The following GRID1 variants were observed in gnomAD, a reference collection of about 807,000 sequenced individuals.
GRID1 encodes the protein glutamate receptor ionotropic, delta-1.
Under a neutral mutation model 98.0 loss-of-function variants are expected in GRID1, and 28 were observed. That is an observed-to-expected ratio of 0.29 (90% confidence interval 0.21 to 0.39). GRID1 has a LOEUF of 0.39. GRID1 is among the 10% of genes least tolerant of loss of function. The pLI is 1.00. For synonymous variants in GRID1, 553 were observed against 538.5 expected (o/e 1.03, Z -0.37); for missense variants, 1,111 against 1,340.5 (o/e 0.83, Z 2.67).
At chr10:86,187,492 C>T (rs916756211) in intron 3 of GRID1, among the ~76,000 whole-genome samples, 13 of 152,220 alleles carry the variant, frequency 8.5e-5, no homozygotes, top group African/African-American at 2.9e-4. Context: ...ATTACACTAT[C>T]CTCCCAGGGT....
chr10:85,669,497 G>A (rs755698464), intron 12 of GRID1, among the ~76,000 whole-genome samples: 16 of 152,218 alleles, frequency 1.1e-4, no homozygotes, highest in Non-Finnish European at 2.1e-4. Flanking sequence ...CGTCTACAGA[G>A]AGTGGAGTTC....
chr10:86,073,583 G>T (rs1002698198), intron 4 of GRID1, among the ~76,000 whole-genome samples: 4 of 152,238 alleles, frequency 2.6e-5, no homozygotes, highest in Non-Finnish European at 5.9e-5. Flanking sequence ...GAAGGAGGCT[G>T]GGCCCGGCCC....
At chr10:86,140,796 A>G (rs963391829) in intron 3 of GRID1, among the ~76,000 whole-genome samples, 1 of 151,966 alleles carries the variant, frequency 6.6e-6, no homozygotes, top group Non-Finnish European at 1.5e-5. Flanking sequence ...ACCAACTACC[A>G]TTTTCCTGGG....
chr10:85,652,480 T>A (rs758117114), intron 12 of GRID1, among the ~76,000 whole-genome samples: 12 of 152,190 alleles, frequency 7.9e-5, no homozygotes, highest in Non-Finnish European at 1.6e-4. Context: ...TATTCTTCCT[T>A]AAGGAGAAGA....
At chr10:85,946,281 T>C (rs1366472143) in intron 4 of GRID1, among the ~76,000 whole-genome samples, 1 of 152,176 alleles carries the variant, frequency 6.6e-6, no homozygotes, top group Non-Finnish European at 1.5e-5. Context: ...GCTAATGGTA[T>C]CTCATGGCAG....
intron 4 of GRID1, among the ~76,000 whole-genome samples, chr10:86,086,975 G>A (rs572955096): frequency 3.4e-4 from 52 of 152,326 alleles, no homozygotes; most frequent in African/African-American, 1.1e-3. Context: ...ATGCACTGTC[G>A]TTGTTTTAAG....
intron 4 of GRID1, among the ~76,000 whole-genome samples, chr10:86,067,841 C>G (rs113078514): frequency 1.3e-5 from 2 of 152,214 alleles, no homozygotes; most frequent in African/African-American, 2.4e-5. Context: ...TAAGATCAGG[C>G]CAAGGCCTGA....
chr10:86,205,322 C>A (rs1312051619), intron 3 of GRID1, among the ~76,000 whole-genome samples: 1 of 152,252 alleles, frequency 6.6e-6, no homozygotes, highest in African/African-American at 2.4e-5. Flanking sequence ...CAACCCTCAT[C>A]AGTCTCCCAC....
chr10:86,146,801 G>C (rs1241430613), intron 3 of GRID1, among the ~76,000 whole-genome samples: 2 of 152,184 alleles, frequency 1.3e-5, no homozygotes, highest in Admixed American at 6.5e-5. Context: ...GAAAGGAGTG[G>C]CTCCCTTCTG....
intron 2 of GRID1, among the ~76,000 whole-genome samples, chr10:86,286,699 T>C (rs1444128298): frequency 6.6e-6 from 1 of 152,062 alleles, no homozygotes; most frequent in Non-Finnish European, 1.5e-5. Flanking sequence ...CGTGAGGGAG[T>C]TACCTGCCTT....
At chr10:86,116,775 C>A (rs1844588334) in intron 4 of GRID1, among the ~76,000 whole-genome samples, 1 of 152,060 alleles carries the variant, frequency 6.6e-6, no homozygotes, top group Non-Finnish European at 1.5e-5. Flanking sequence ...GGGGCTAAGG[C>A]TCACCAACAG....
At chr10:85,784,486 T>A (rs972410851) in intron 8 of GRID1, among the ~76,000 whole-genome samples, 3 of 152,218 alleles carry the variant, frequency 2.0e-5, no homozygotes, top group Admixed American at 1.3e-4. Flanking sequence ...AATGTGCTCA[T>A]GGGGCTTCCC....
Position 86,003,299 on chromosome 10 carries a change from C to T in GRID1, c.727-87060G>A, listed in dbSNP as rs1442586153. ...TTGGGAAGTCAGGGAGCCAGGAGAA[C>T]GGGGAGCCCTTGGCACATCAGCTGG... On this transcript the variant is annotated intron_variant, in intron 4 of 15. Coordinates refer to ENST00000327946, the MANE Select transcript of GRID1 (RefSeq NM_017551.3). Among the ~76,000 whole-genome samples, 18 of 152,316 alleles carry T rather than the reference C, an allele frequency of 1.2e-4. No individual in the cohort carries two copies. The East Asian group carries it at 2.9e-3, about 24-fold the overall frequency.
Position 85,724,520 on chromosome 10 carries a change from C to G in GRID1, c.1690G>C (p.Ala564Pro), listed in dbSNP as rs913727708. The G allele has an allele frequency of 1.2e-6, 2 of 1,613,892 alleles. No homozygotes were observed. The highest frequency in any genetic ancestry group is 1.7e-5 in the Admixed American group (1 of 60,008). ...IFSLFAPFDF[A>P]VWACIAAAIP... ...GCTGCTGCAATGCAGGCCCACACAG[C>G]GAAATCAAATGGAGCAAAGAGGGAG... is the stretch of plus-strand genomic sequence containing the variant. Residue 564 changes from alanine to proline, a missense_variant, in exon 11 of 16, where the codon GCT becomes CCT. Coordinates refer to ENST00000327946, the MANE Select transcript of GRID1 (RefSeq NM_017551.3).
intron 4 of GRID1, among the ~76,000 whole-genome samples, chr10:86,074,700 T>C (rs1843855888): frequency 6.6e-6 from 1 of 152,174 alleles, no homozygotes. Flanking sequence ...TCCCTTTCCT[T>C]GGATAGAACT....
intron 2 of GRID1, among the ~76,000 whole-genome samples, chr10:86,330,573 C>G (rs183162727): frequency 6.6e-6 from 1 of 152,328 alleles, no homozygotes; most frequent in Admixed American, 6.5e-5. Flanking sequence ...CATCTCACCC[C>G]GTTCTTGCCC....
intron 2 of GRID1, among the ~76,000 whole-genome samples, chr10:86,343,265 T>C (rs915265028): frequency 2.6e-5 from 4 of 152,162 alleles, no homozygotes; most frequent in South Asian, 2.1e-4. Flanking sequence ...ATAAATCATT[T>C]AACAAAAAAA....
At chr10:85,802,898 C>A (rs1842590662) in intron 8 of GRID1, among the ~76,000 whole-genome samples, 1 of 146,102 alleles carries the variant, frequency 6.8e-6, no homozygotes, top group South Asian at 2.2e-4. Context: ...AAGGAACATT[C>A]AAATCAAATT....
At chr10:85,863,956 A>T (rs1331341063) in intron 6 of GRID1, among the ~76,000 whole-genome samples, 2 of 152,240 alleles carry the variant, frequency 1.3e-5, no homozygotes, top group African/African-American at 2.4e-5. Flanking sequence ...GAACCAGACC[A>T]TTATCCTCCC....
Sources: allele counts gnomAD v4.1 joint callset (sites outside exome capture counted in the v4.1 genomes callset), GRCh38; gene constraint gnomAD v4.1.1; transcripts MANE v1.5; gene names NCBI Gene and HGNC (gene_info 2026-07-23, HGNC 2026-07-21).